Variants in GOLIM4 observed in about 807,000 individuals in gnomAD.
The protein encoded by GOLIM4 is 130 kDa golgi-localized phosphoprotein.
In GOLIM4, 71 loss-of-function variants were observed where a neutral mutation model predicts 107.4. The ratio of observed to expected loss-of-function variants is 0.66; its 90% CI spans 0.55 to 0.81. The LOEUF (loss-of-function observed/expected upper bound fraction) is 0.81. Ranked by LOEUF, GOLIM4 falls within the 30% of genes least tolerant of loss-of-function variation. The pLI is 0.00. For missense variants in GOLIM4, 830 were observed against 826.1 expected, an observed-to-expected ratio of 1.00 and a Z score of -0.06; for synonymous variants, 327 against 294.8, an observed-to-expected ratio of 1.11 and a Z score of -1.12.
intron 14 of GOLIM4, among the ~76,000 whole-genome samples, chr3:168,011,814 C>G (rs558130286): frequency 7.5e-6 from 1 of 132,852 alleles, no homozygotes; most frequent in Non-Finnish European, 1.5e-5. Flanking sequence ...GGTATTCCAA[C>G]AGACCTGCAG....
chr3:168,061,204 C>T (rs183398814), intron 1 of GOLIM4, among the ~76,000 whole-genome samples: 14 of 150,270 alleles, frequency 9.3e-5, no homozygotes, highest in South Asian at 2.1e-4. Context: ...CTACTGGCCA[C>T]GAAATATATG....
In GOLIM4 at chr3:168,095,408, C is replaced by T; in HGVS notation, c.-123G>A. ...CGCAGCATGAGGAGGAGATGCCAGA[C>T]ACAAAAGCCGGCCCGGAGGGGAAGT... On this transcript the variant is annotated 5_prime_UTR_variant, in exon 1 of 16. Coordinates refer to ENST00000470487, the MANE Select transcript of GOLIM4 (RefSeq NM_014498.5). 1.3e-6 allele frequency: 1 copy of T among 775,120 alleles called. No homozygotes were observed. The highest frequency in any genetic ancestry group is 2.0e-6 in the Non-Finnish European group (1 of 498,084). The allele number at this position is 775,120 out of a possible 1,614,324, so 48.0% of individuals were successfully genotyped here.
intron 8 of GOLIM4, among the ~76,000 whole-genome samples, chr3:168,035,965 T>C (rs908457091): frequency 3.3e-5 from 5 of 152,120 alleles, no homozygotes; most frequent in African/African-American, 1.2e-4. Flanking sequence ...TATAAAAAGG[T>C]GTATTATTTG....
chr3:168,025,025 G>C lies in GOLIM4; in HGVS notation c.1694C>G (p.Ala565Gly), dbSNP rs1359728810. The change falls in exon 13 of 16, where the codon GCC becomes GGC. Residue 565 changes from alanine to glycine, a missense_variant. Ala to Gly is a moderately conservative substitution (Grantham distance 60). Transcript: ENST00000470487. ...CAAATTTTCTTCTCTCACTTGCTCG[G>C]CTTCTTCAAATTCATCCTCACCTTG... Reference protein sequence around the residue: ...NNQGEDEFEEAEQVREENLPD... With the variant: ...NNQGEDEFEEGEQVREENLPD... 2 of 1,613,448 alleles carry C rather than the reference G, an allele frequency of 1.2e-6. No homozygotes were observed. Among genetic ancestry groups the C allele is most frequent in the African/African-American group, 2.7e-5 (2 of 74,828 alleles).
At chr3:168,048,806 A>T (rs1436111527) in intron 1 of GOLIM4, among the ~76,000 whole-genome samples, 1 of 152,176 alleles carries the variant, frequency 6.6e-6, no homozygotes, top group African/African-American at 2.4e-5. Flanking sequence ...AATATTCCAT[A>T]AGTACTACAA....
intron 1 of GOLIM4, among the ~76,000 whole-genome samples, chr3:168,083,911 T>C (rs1425141249): frequency 1.3e-5 from 2 of 152,202 alleles, no homozygotes; most frequent in Admixed American, 6.5e-5. Context: ...GAAGATAATA[T>C]GGCAGAAGTG....
chr3:168,064,042 C>A (rs1042197831), intron 1 of GOLIM4, among the ~76,000 whole-genome samples: 1 of 152,148 alleles, frequency 6.6e-6, no homozygotes, highest in Non-Finnish European at 1.5e-5. Flanking sequence ...TACCACCCTG[C>A]ATCATAATAT....
At chr3:168,018,661 A>C (rs937981928) in intron 14 of GOLIM4, among the ~76,000 whole-genome samples, 1 of 152,224 alleles carries the variant, frequency 6.6e-6, no homozygotes, top group Non-Finnish European at 1.5e-5. Context: ...CATTGGGATG[A>C]AAACAATGAA....
chr3:168,015,748 C>G (rs1393888449), intron 14 of GOLIM4, among the ~76,000 whole-genome samples: 3 of 134,552 alleles, frequency 2.2e-5, no homozygotes, highest in Non-Finnish European at 4.4e-5. Flanking sequence ...ATATCTACAA[C>G]TATCTGATCT....
chr3:168,030,173 A>G lies in GOLIM4; in HGVS notation c.1177-137T>C, dbSNP rs181245037. 386 of 835,194 alleles carry G rather than the reference A, an allele frequency of 4.6e-4. 1 individual carries two copies. Among genetic ancestry groups the G allele is most frequent in the Non-Finnish European group, 6.6e-4 (362 of 550,496 alleles). 51.7% of individuals were successfully genotyped at this position (835,194 alleles called of 1,614,324 possible). ...TTTGTCAGGTGAACTGTGATTATAC[A>G]TGAAGTCCAAAAACTCCTATTTCCC... is the stretch of plus-strand genomic sequence containing the variant. On this transcript the variant is annotated intron_variant, in intron 9 of 15. Coordinates refer to ENST00000470487, the MANE Select transcript of GOLIM4 (RefSeq NM_014498.5).
chr3:168,055,181 A>T (rs1719873957), intron 1 of GOLIM4, among the ~76,000 whole-genome samples: 1 of 152,212 alleles, frequency 6.6e-6, no homozygotes, highest in East Asian at 1.9e-4. Context: ...TGACTTTGGA[A>T]CTGGGTAACA....
At chr3:168,050,891 G>GA (rs370053519) in intron 1 of GOLIM4, among the ~76,000 whole-genome samples, 2 of 149,926 alleles carry the variant, frequency 1.3e-5, no homozygotes, top group East Asian at 3.9e-4. Context: ...GCATAGTCAA[G>GA]AAAAACATAC....
chr3:168,010,849 A>G (rs759507543), intron 14 of GOLIM4, 26 bp from the exon 15 acceptor site: 3 of 1,482,010 alleles, frequency 2.0e-6, no homozygotes, highest in Non-Finnish European at 1.9e-6. Context: ...GATATCATTT[A>G]AACACTTTTG....
chr3:168,059,105 GT>G (rs906572927), intron 1 of GOLIM4, among the ~76,000 whole-genome samples: 5 of 152,102 alleles, frequency 3.3e-5, no homozygotes, highest in Non-Finnish European at 7.4e-5. Context: ...ACTATGAATA[GT>G]TTTCAAAATT....
chr3:168,025,906 G>T (rs554312065), intron 12 of GOLIM4, among the ~76,000 whole-genome samples: 1 of 152,260 alleles, frequency 6.6e-6, no homozygotes, highest in East Asian at 1.9e-4. Flanking sequence ...TCCTAATAAA[G>T]ATTTAGATTT....
At chr3:168,053,567 C>A (rs1444921194) in intron 1 of GOLIM4, among the ~76,000 whole-genome samples, 36 of 152,090 alleles carry the variant, frequency 2.4e-4, no homozygotes, top group Admixed American at 2.4e-3. Flanking sequence ...AAGCTTAATA[C>A]TAAGAAAGAT....
chr3:168,015,098 TTG>T (rs1456784106), intron 14 of GOLIM4, among the ~76,000 whole-genome samples: 1 of 151,224 alleles, frequency 6.6e-6, no homozygotes, highest in Non-Finnish European at 1.5e-5. Context: ...GGAAGTCAAA[TTG>T]TCCCTGTTTG....
At chr3:168,032,964 A>G (rs1003230856) in intron 8 of GOLIM4, 112 bp from the exon 9 acceptor site, 2 of 769,154 alleles carry the variant, frequency 2.6e-6, no homozygotes, top group Non-Finnish European at 4.3e-6. Context: ...GAAGGTGTCT[A>G]GAAATATATA....
intron 1 of GOLIM4, among the ~76,000 whole-genome samples, chr3:168,089,174 A>G (rs1721772449): frequency 6.6e-6 from 1 of 152,210 alleles, no homozygotes; most frequent in African/African-American, 2.4e-5. Context: ...AAATTACTGA[A>G]CTTAAGAGTA....
Sources: gnomAD v4.1 joint callset for allele counts (sites outside exome capture counted in the v4.1 genomes callset) on GRCh38, gnomAD v4.1.1 for gene constraint, MANE v1.5 for transcripts, NCBI Gene and HGNC (gene_info 2026-07-23, HGNC 2026-07-21) for gene names.